The following RYR2 variants were observed in gnomAD, a reference collection of about 807,000 sequenced individuals.
RYR2 encodes the protein ryanodine receptor 2.
RYR2 carries 227 observed loss-of-function variants against 601.1 expected under a neutral mutation model. That is an observed-to-expected ratio of 0.38 (90% CI 0.34 to 0.42). The LOEUF (loss-of-function observed/expected upper bound fraction) is 0.42. Among genes scored for constraint, RYR2 ranks in the 10% least tolerant of loss-of-function variants. The probability of loss-of-function intolerance (pLI) is 1.00; values close to 1 mark genes in which losing one functional copy is unlikely to be tolerated. For missense variants in RYR2, 4,646 were observed against 6,156.5 expected, an observed-to-expected ratio of 0.75 and a Z score of 8.21; for synonymous variants, 2,223 against 2,175.1, an observed-to-expected ratio of 1.02 and a Z score of -0.61.
chr1:237,176,573 TTTA>T (rs1270793439), intron 1 of RYR2, among the ~76,000 whole-genome samples: 18 of 151,056 alleles, frequency 1.2e-4, no homozygotes, highest in Non-Finnish European at 2.5e-4. Flanking sequence ...TATTTATTTA[TTTA>T]TTTTTTTAAA....
At chr1:237,136,409 G>A (rs960599964) in intron 1 of RYR2, among the ~76,000 whole-genome samples, 7 of 152,084 alleles carry the variant, frequency 4.6e-5, no homozygotes, top group Admixed American at 1.3e-4. Context: ...TGCATGCTAT[G>A]CAGGGGCCTC....
At chr1:237,780,932 T>TAA (rs953300476) in intron 88 of RYR2, among the ~76,000 whole-genome samples, 3 of 152,194 alleles carry the variant, frequency 2.0e-5, no homozygotes, top group Non-Finnish European at 4.4e-5. Flanking sequence ...GCTTTTCAAA[T>TAA]AAAAGATAAG....
At chr1:237,723,049 G>A in intron 73 of RYR2, 79 bp from the exon 74 acceptor site, 1 of 1,234,716 alleles carries the variant, frequency 8.1e-7, no homozygotes, top group Admixed American at 2.1e-5. Context: ...AATGATGGGT[G>A]GACTCTTCCT....
intron 87 of RYR2, among the ~76,000 whole-genome samples, chr1:237,774,383 T>C (rs1453621176): frequency 6.6e-6 from 1 of 152,164 alleles, no homozygotes; most frequent in Non-Finnish European, 1.5e-5. Flanking sequence ...AAAAATAAAT[T>C]GTATCCCAGG....
intron 77 of RYR2, among the ~76,000 whole-genome samples, chr1:237,730,954 C>T (rs1015987530): frequency 6.6e-6 from 1 of 152,144 alleles, no homozygotes; most frequent in Non-Finnish European, 1.5e-5. Flanking sequence ...ACAAAATTTA[C>T]AAGCCATCTC....
chr1:237,742,403 AT>A, intron 80 of RYR2, 54 bp downstream of exon 80: 12 of 1,218,278 alleles, frequency 9.8e-6, no homozygotes, highest in Non-Finnish European at 1.3e-5. Flanking sequence ...ACATTGTTTC[AT>A]AGCTTATAAC....
At chr1:237,325,147 C>A (rs925484394) in intron 2 of RYR2, among the ~76,000 whole-genome samples, 1 of 152,032 alleles carries the variant, frequency 6.6e-6, no homozygotes, top group East Asian at 1.9e-4. Context: ...GACAGTGTTG[C>A]GTGGCAGAAC....
chr1:237,489,401 A>G (rs1031426831), intron 17 of RYR2, among the ~76,000 whole-genome samples: 4 of 152,180 alleles, frequency 2.6e-5, no homozygotes, highest in Non-Finnish European at 2.9e-5. Flanking sequence ...TCACACCTGT[A>G]ATCCCAGCAC....
chr1:237,096,507 C>G (rs955205401), intron 1 of RYR2, among the ~76,000 whole-genome samples: 8 of 152,120 alleles, frequency 5.3e-5, no homozygotes, highest in African/African-American at 1.9e-4. Context: ...GGTTTCAGTT[C>G]TAATTTTCCT....
At chr1:237,795,873 T>TAC (rs57000176) in intron 96 of RYR2, among the ~76,000 whole-genome samples, 8,199 of 140,488 alleles carry the variant, frequency 0.058, 332 homozygotes, top group Middle Eastern at 0.093. Context: ...TATATATATA[T>TAC]ACACATATAT....
At chr1:237,269,373 T>TA (rs796662642) in intron 1 of RYR2, among the ~76,000 whole-genome samples, 99 of 144,562 alleles carry the variant, frequency 6.8e-4, no homozygotes, top group East Asian at 1.2e-3. Flanking sequence ...TAGCTAAAAA[T>TA]AAAAAAAAAA....
chr1:237,504,330 A>G (rs539859149), intron 22 of RYR2, among the ~76,000 whole-genome samples: 13 of 152,238 alleles, frequency 8.5e-5, no homozygotes, highest in East Asian at 5.8e-4. Context: ...TGAAGTTAAG[A>G]GCAATATTTT....
chr1:237,438,208 A>G (rs1707583065), intron 12 of RYR2, among the ~76,000 whole-genome samples: 1 of 151,894 alleles, frequency 6.6e-6, no homozygotes, highest in Non-Finnish European at 1.5e-5. Flanking sequence ...TTTCCTTTAT[A>G]TTTTTGAACA....
chr1:237,521,334 C>T (rs1667065454), intron 24 of RYR2, among the ~76,000 whole-genome samples: 1 of 152,192 alleles, frequency 6.6e-6, no homozygotes, highest in Admixed American at 6.5e-5. Flanking sequence ...TGCAATAGCA[C>T]CTCTAGCTAT....
rs186907882 is a variant in RYR2 at position 237,473,769 on chromosome 1, C to A, written c.1708+4582C>A. On this transcript the variant is annotated intron_variant, in intron 17 of 104. Transcript: ENST00000366574. ...TCTAATGCTGGCAGATGGCTGCAGC[C>A]TACAGGTTGCTGCATCTTTACTCCA... Among the ~76,000 whole-genome samples, 327 of 152,182 alleles carry A rather than the reference C, an allele frequency of 2.1e-3. 3 individuals are homozygous for A. Among genetic ancestry groups the A allele is most frequent in the African/African-American group, 7.5e-3 (313 of 41,530 alleles).
At chr1:237,533,858 T>C (rs1668361985) in intron 25 of RYR2, among the ~76,000 whole-genome samples, 1 of 152,136 alleles carries the variant, frequency 6.6e-6, no homozygotes, top group South Asian at 2.1e-4. Context: ...ATGTTCTAAT[T>C]GTTAACTTCG....
chr1:237,279,174 A>C (rs2149375992), intron 2 of RYR2, among the ~76,000 whole-genome samples: 1 of 152,344 alleles, frequency 6.6e-6, no homozygotes, highest in East Asian at 1.9e-4. Context: ...AAGCGGGCTA[A>C]ATAAAACTGC....
chr1:237,726,256 A>G lies in RYR2; in HGVS notation c.10690-17A>G. The stretch of plus-strand genomic sequence containing the variant: ...GTTTTACTTTTTTAGCTAACATAAC[A>G]TTTTTATTTCTTTCAGAAGTCTAAA... On this transcript the variant is annotated splice_polypyrimidine_tract_variant and intron_variant, in intron 74 of 104. Transcript: ENST00000366574. 6.5e-7 allele frequency: 1 copy of G among 1,548,972 alleles called. No individual in the cohort carries two copies. Among genetic ancestry groups the G allele is most frequent in the Non-Finnish European group, 8.8e-7 (1 of 1,135,918 alleles).
intron 1 of RYR2, among the ~76,000 whole-genome samples, chr1:237,175,607 C>T (rs1388414166): frequency 2.0e-5 from 3 of 152,134 alleles, no homozygotes; most frequent in Non-Finnish European, 2.9e-5. Flanking sequence ...GATGTGAACT[C>T]TTTGGGATCT....
Sources: allele counts gnomAD v4.1 joint callset (sites outside exome capture counted in the v4.1 genomes callset), GRCh38; gene constraint gnomAD v4.1.1; transcripts MANE v1.5; gene names NCBI Gene and HGNC (gene_info 2026-07-23, HGNC 2026-07-21).